KIAA1549L: variants seen among roughly 807,000 people sequenced by gnomAD.
KIAA1549L encodes KIAA1549 like.
In KIAA1549L, 88 loss-of-function variants were observed where a neutral mutation model predicts 160.7. The ratio of observed to expected loss-of-function variants is 0.55; its 90% CI spans 0.46 to 0.65. The LOEUF is 0.65. Among genes scored for constraint, KIAA1549L ranks in the 30% least tolerant of loss-of-function variants. KIAA1549L has a pLI of 0.00. For synonymous variants in KIAA1549L, 950 were observed against 976.7 expected (o/e 0.97, Z 0.51); for missense variants, 2,258 against 2,437.5 (o/e 0.93, Z 1.55).
chr11:33,555,423 A>G (rs1287483172), intron 6 of KIAA1549L, among the ~76,000 whole-genome samples: 2 of 152,232 alleles, frequency 1.3e-5, no homozygotes, highest in African/African-American at 4.8e-5. Flanking sequence ...CTACAAAGCT[A>G]TGGTAATCAA....
chr11:33,456,981 G>T (rs1851838158), intron 1 of KIAA1549L, among the ~76,000 whole-genome samples: 1 of 152,178 alleles, frequency 6.6e-6, no homozygotes, highest in Non-Finnish European at 1.5e-5. Flanking sequence ...GGCTGGGATG[G>T]GGTTAGGAGA....
At chr11:33,482,994 T>C (rs1852443949) in intron 1 of KIAA1549L, among the ~76,000 whole-genome samples, 1 of 152,214 alleles carries the variant, frequency 6.6e-6, no homozygotes, top group African/African-American at 2.4e-5. Context: ...TAAGCCACTA[T>C]CCAGCTCGCT....
rs576469813 is a variant in KIAA1549L at position 33,519,690 on chromosome 11, T to C, written c.239-22112T>C. Among the ~76,000 whole-genome samples, 122 of 152,318 alleles carry C rather than the reference T, an allele frequency of 8.0e-4. 1 individual carries two copies. The highest frequency in any genetic ancestry group is 1.9e-3 in the Admixed American group (29 of 15,286). On this transcript the variant is annotated intron_variant, in intron 1 of 20. Transcript: ENST00000658780. ...TAAAATTCTGACCTCAGAACAACTGTTCTTTCTTTAGAGGGGGGTACATCA... is the reference window on the plus strand; with the variant it reads ...TAAAATTCTGACCTCAGAACAACTGCTCTTTCTTTAGAGGGGGGTACATCA...
At chr11:33,412,534 T>A (rs1303832490) in intron 1 of KIAA1549L, among the ~76,000 whole-genome samples, 1 of 152,216 alleles carries the variant, frequency 6.6e-6, no homozygotes, top group East Asian at 1.9e-4. Context: ...GGTGCTGCTC[T>A]GGAACTAGTA....
intron 1 of KIAA1549L, among the ~76,000 whole-genome samples, chr11:33,413,944 G>T (rs958085016): frequency 6.6e-6 from 1 of 152,252 alleles, no homozygotes; most frequent in East Asian, 1.9e-4. Flanking sequence ...TTAGAGCAGG[G>T]ATCTGACAAA....
At chr11:33,507,130 C>T (rs925994280) in intron 1 of KIAA1549L, among the ~76,000 whole-genome samples, 3 of 152,170 alleles carry the variant, frequency 2.0e-5, no homozygotes, top group Non-Finnish European at 4.4e-5. Flanking sequence ...TTTATTGAAT[C>T]GTGACTCCCT....
chr11:33,415,305 A>G (rs1850866825), intron 1 of KIAA1549L, among the ~76,000 whole-genome samples: 1 of 152,180 alleles, frequency 6.6e-6, no homozygotes, highest in African/African-American at 2.4e-5. Flanking sequence ...ACTGAGTTTC[A>G]TGAATATGGT....
intron 6 of KIAA1549L, among the ~76,000 whole-genome samples, chr11:33,559,547 C>T (rs1160360896): frequency 6.6e-6 from 1 of 152,130 alleles, no homozygotes; most frequent in Non-Finnish European, 1.5e-5. Flanking sequence ...AATGAGATGA[C>T]GTGCCCTTAG....
At chr11:33,505,395 T>G (rs1220101874) in intron 1 of KIAA1549L, among the ~76,000 whole-genome samples, 1 of 152,202 alleles carries the variant, frequency 6.6e-6, no homozygotes, top group East Asian at 1.9e-4. Context: ...TTGTTTCTCA[T>G]CTCTCCTTGC....
chr11:33,603,410 A>G (rs1400847834), intron 13 of KIAA1549L, among the ~76,000 whole-genome samples: 2 of 152,122 alleles, frequency 1.3e-5, no homozygotes, highest in Non-Finnish European at 2.9e-5. Context: ...CTTGAAAAGC[A>G]AGAGAGAACT....
rs762094891 is a variant in KIAA1549L, at chr11:33,645,951, C to T, written c.5675C>T (p.Pro1892Leu). ...TATTCGGAGGTGGTGACCAGCGCTC[C>T]GGGGACCATGACGCGGCCCAGGGCC... Reference protein sequence around the residue: ...LPYSEVVTSAPGTMTRPRAGV... With the variant: ...LPYSEVVTSALGTMTRPRAGV... Residue 1892 changes from proline to leucine, a missense_variant, in exon 17 of 21, where the codon CCG becomes CTG. Transcript: ENST00000658780. 13 of 1,612,698 alleles carry T rather than the reference C, an allele frequency of 8.1e-6. No homozygotes were observed. Among genetic ancestry groups the T allele is most frequent in the East Asian group, 4.5e-5 (2 of 44,814 alleles).
intron 1 of KIAA1549L, among the ~76,000 whole-genome samples, chr11:33,502,986 G>C (rs948976270): frequency 6.6e-6 from 1 of 152,022 alleles, no homozygotes; most frequent in East Asian, 1.9e-4. Flanking sequence ...TATAACATAC[G>C]TAATAGAAAA....
At chr11:33,429,109 T>TGGCTGGGTGGG (rs1362008673) in intron 1 of KIAA1549L, among the ~76,000 whole-genome samples, 1 of 152,154 alleles carries the variant, frequency 6.6e-6, no homozygotes, top group African/African-American at 2.4e-5. Context: ...GTACCTGGGA[T>TGGCTGGGTGGG]TACAGGCACC....
chr11:33,448,435 T>C (rs2132965416), intron 1 of KIAA1549L, among the ~76,000 whole-genome samples: 1 of 152,330 alleles, frequency 6.6e-6, no homozygotes, highest in East Asian at 1.9e-4. Flanking sequence ...TAGTCTTCTC[T>C]ATGGAGCTGA....
intron 1 of KIAA1549L, among the ~76,000 whole-genome samples, chr11:33,473,789 C>A (rs188051491): frequency 6.6e-6 from 1 of 152,260 alleles, no homozygotes; most frequent in Admixed American, 6.5e-5. Context: ...CTCCACTGGT[C>A]AAATCCTACT....
In KIAA1549L at chr11:33,435,794, A is replaced by ATGTGTG. The variant is rs1447364209; in HGVS notation, c.238+58906_238+58907insGTGTGT. ...TATATATATATATATATATATATAT[A>ATGTGTG]TATATATATATATATATGTGTGTGT... is the stretch of plus-strand genomic sequence containing the variant. On this transcript the variant is annotated intron_variant, in intron 1 of 20. Coordinates refer to ENST00000658780, the MANE Select transcript of KIAA1549L (RefSeq NM_012194.3). Among the ~76,000 whole-genome samples the ATGTGTG allele has an allele frequency of 8.7e-3, 280 of 32,332 alleles. 36 individuals carry two copies. The highest frequency in any genetic ancestry group is 0.059 in the African/African-American group (265 of 4,500). 21.2% of individuals were successfully genotyped at this position (32,332 alleles called of 152,430 possible).
intron 11 of KIAA1549L, among the ~76,000 whole-genome samples, chr11:33,587,269 A>G (rs918972212): frequency 2.0e-4 from 30 of 152,350 alleles, no homozygotes; most frequent in African/African-American, 7.0e-4. Flanking sequence ...TATAAAACGA[A>G]TTGAAGTAAC....
chr11:33,540,840 C>G (rs373605796), intron 1 of KIAA1549L, among the ~76,000 whole-genome samples: 1 of 152,118 alleles, frequency 6.6e-6, no homozygotes, highest in East Asian at 1.9e-4. Context: ...ATGATTACGG[C>G]CTGCCTAGGA....
chr11:33,527,395 A>G (rs968328143), intron 1 of KIAA1549L, among the ~76,000 whole-genome samples: 8 of 152,212 alleles, frequency 5.3e-5, no homozygotes, highest in African/African-American at 1.9e-4. Context: ...AGCCACATGT[A>G]GAGGAGTGAA....
Sources: allele counts gnomAD v4.1 joint callset (sites outside exome capture counted in the v4.1 genomes callset), GRCh38; gene constraint gnomAD v4.1.1; transcripts MANE v1.5; gene names NCBI Gene and HGNC (gene_info 2026-07-23, HGNC 2026-07-21).